Variants in XYLT1 observed in about 807,000 individuals in gnomAD.
The protein encoded by XYLT1 is xylosyltransferase 1.
In XYLT1, 36 loss-of-function variants were observed where a neutral mutation model predicts 91.3. The observed-to-expected ratio is 0.39, with a 90% CI of 0.30 to 0.52. XYLT1 has a LOEUF of 0.52. Ranked by LOEUF, XYLT1 falls within the 20% of genes least tolerant of loss-of-function variation. XYLT1 has a pLI of 0.68. For synonymous variants in XYLT1, 588 were observed against 532.0 expected, an observed-to-expected ratio of 1.11 and a Z score of -1.45; for missense variants, 1,242 against 1,284.5, an observed-to-expected ratio of 0.97 and a Z score of 0.51.
intron 1 of XYLT1, among the ~76,000 whole-genome samples, chr16:17,370,065 A>G (rs928684085): frequency 3.3e-5 from 5 of 152,144 alleles, no homozygotes; most frequent in Non-Finnish European, 7.4e-5. Context: ...GGGGGAAGGG[A>G]ACAACAGGAG....
intron 1 of XYLT1, among the ~76,000 whole-genome samples, chr16:17,402,135 CA>C (rs559973657): frequency 5.0e-4 from 69 of 138,146 alleles, no homozygotes; most frequent in Non-Finnish European, 6.0e-4. Context: ...CCTGTTTCTA[CA>C]AAAAAAAAAA....
At position 17,400,594 on chromosome 16, in the gene XYLT1, A is replaced by C. The variant is rs150719965; in HGVS notation, c.364-42544T>G. ...GACAGAAAGAGACTCCATCTCAAAA[A>C]AAAAGAAAGAGAGGGAGGGAGGGAG... On this transcript the variant is annotated intron_variant, in intron 1 of 11. Coordinates refer to ENST00000261381, the MANE Select transcript of XYLT1 (RefSeq NM_022166.4). 4.6e-3 allele frequency among the ~76,000 whole-genome samples: 692 copies of C among 149,152 alleles called. 21 individuals are homozygous for C. The highest frequency in any genetic ancestry group is 0.044 in the Admixed American group (649 of 14,890).
rs149297171 is a variant in XYLT1, at chr16:17,353,017, C to G, written c.402+4995G>C. On this transcript the variant is annotated intron_variant, in intron 2 of 11. Coordinates refer to ENST00000261381, the MANE Select transcript of XYLT1 (RefSeq NM_022166.4). ...TCATTTGCTACAGGAGCCCTGTTCA[C>G]AATCATCATGGCCCCAGCATCATCT... is the stretch of plus-strand genomic sequence containing the variant. Among the ~76,000 whole-genome samples, 242 of 152,344 alleles carry G rather than the reference C, an allele frequency of 1.6e-3. 1 individual carries two copies. The highest frequency in any genetic ancestry group is 5.7e-3 in the African/African-American group (236 of 41,582).
chr16:17,386,961 TA>T (rs1281217100), intron 1 of XYLT1, among the ~76,000 whole-genome samples: 1 of 152,168 alleles, frequency 6.6e-6, no homozygotes, highest in Non-Finnish European at 1.5e-5. Flanking sequence ...GGTTAGATTA[TA>T]AAAGGTAAGA....
In XYLT1 at chr16:17,267,793, A is replaced by AGGG. The variant is rs1209683617; in HGVS notation, c.403-8298_403-8296dup. Among the ~76,000 whole-genome samples, 4 of 152,336 alleles carry AGGG rather than the reference A, an allele frequency of 2.6e-5. No individual in the cohort carries two copies. In the East Asian group the frequency reaches 7.7e-4, roughly 29 times the overall value. ...CTGGCCTTTGCTCACTGTGTGGCCC[A>AGGG]GGGCACAGTGCCTAACTTTGTCTGC... is the stretch of plus-strand genomic sequence containing the variant. On this transcript the variant is annotated intron_variant, in intron 2 of 11. Coordinates refer to ENST00000261381, the MANE Select transcript of XYLT1 (RefSeq NM_022166.4).
chr16:17,214,555 C>T (rs2032820457), intron 3 of XYLT1, among the ~76,000 whole-genome samples: 1 of 152,124 alleles, frequency 6.6e-6, no homozygotes, highest in Non-Finnish European at 1.5e-5. Flanking sequence ...TTTTACGCCA[C>T]TAAGTTTGGG....
rs566035828 is a variant in XYLT1 at position 17,158,977 on chromosome 16, A to G, written c.1290-68T>C. On this transcript the variant is annotated intron_variant, in intron 5 of 11. Transcript: ENST00000261381. ...GGTACTGTCTTTGTCACAGAAAGCA[A>G]GTTTCACCAATTATGTCAGTCTGCT... 10 of 1,396,984 alleles carry G rather than the reference A, an allele frequency of 7.2e-6. No homozygotes were observed. The African/African-American group carries it at 1.4e-4, about 20-fold the overall frequency. The allele number at this position is 1,396,984 out of a possible 1,614,324, so 86.5% of individuals were successfully genotyped here. A position where few individuals can be genotyped will look rare whatever the true frequency, so the allele number is the denominator to read the frequency against.
At chr16:17,305,849 G>C (rs964114940) in intron 2 of XYLT1, among the ~76,000 whole-genome samples, 1 of 152,168 alleles carries the variant, frequency 6.6e-6, no homozygotes, top group Non-Finnish European at 1.5e-5. Flanking sequence ...AGTCAGTCCT[G>C]TGTTCAGATT....
At chr16:17,429,395 A>G (rs1164532042) in intron 1 of XYLT1, among the ~76,000 whole-genome samples, 4 of 152,234 alleles carry the variant, frequency 2.6e-5, no homozygotes, top group Non-Finnish European at 5.9e-5. Context: ...GCCGCAGGTT[A>G]ACTCAACGGC....
chr16:17,306,905 G>C (rs2141817947), intron 2 of XYLT1, among the ~76,000 whole-genome samples: 1 of 152,272 alleles, frequency 6.6e-6, no homozygotes, highest in South Asian at 2.1e-4. Context: ...CAGAGAGGCA[G>C]GGTGACTTGC....
intron 5 of XYLT1, among the ~76,000 whole-genome samples, chr16:17,179,503 C>A (rs1368451900): frequency 6.6e-6 from 1 of 152,208 alleles, no homozygotes; most frequent in Non-Finnish European, 1.5e-5. Flanking sequence ...CCACCCTATC[C>A]TCTTTCCATG....
At chr16:17,455,038 C>T (rs2141954010) in intron 1 of XYLT1, among the ~76,000 whole-genome samples, 1 of 151,548 alleles carries the variant, frequency 6.6e-6, no homozygotes, top group Middle Eastern at 3.4e-3. Context: ...AGATAAAACT[C>T]CCAGACGCAA....
chr16:17,121,698 C>T lies in XYLT1; in HGVS notation c.2224-3719G>A, dbSNP rs143247574. 1.3e-3 allele frequency among the ~76,000 whole-genome samples: 204 copies of T among 152,214 alleles called. 2 individuals carry two copies. The highest frequency in any genetic ancestry group is 6.0e-3 in the South Asian group (29 of 4,818). Reference sequence around the variant, plus strand: ...GTGCACCCATCACTTGAACAGTATACACTGCACCCCATGTGTAGTCTTTTA... The same window carrying T: ...GTGCACCCATCACTTGAACAGTATATACTGCACCCCATGTGTAGTCTTTTA... On this transcript the variant is annotated intron_variant, in intron 10 of 11. Coordinates refer to ENST00000261381, the MANE Select transcript of XYLT1 (RefSeq NM_022166.4).
chr16:17,237,206 C>T (rs910867299), intron 3 of XYLT1, among the ~76,000 whole-genome samples: 1 of 152,210 alleles, frequency 6.6e-6, no homozygotes, highest in Non-Finnish European at 1.5e-5. Flanking sequence ...TGGTATTCAA[C>T]TTACAATCCC....
intron 5 of XYLT1, among the ~76,000 whole-genome samples, chr16:17,169,753 GT>G (rs2031782527): frequency 6.6e-6 from 1 of 152,154 alleles, no homozygotes; most frequent in Non-Finnish European, 1.5e-5. Context: ...AAGTCTGCTT[GT>G]CCTCACATGC....
intron 1 of XYLT1, among the ~76,000 whole-genome samples, chr16:17,449,722 C>G (rs982007799): frequency 1.3e-5 from 2 of 152,164 alleles, no homozygotes; most frequent in African/African-American, 4.8e-5. Context: ...ATCAACAGGA[C>G]TATGCATCAA....
At chr16:17,224,784 G>A (rs916585603) in intron 3 of XYLT1, among the ~76,000 whole-genome samples, 3 of 152,180 alleles carry the variant, frequency 2.0e-5, no homozygotes, top group Non-Finnish European at 4.4e-5. Flanking sequence ...CTCTCTTGTA[G>A]CGAGGTGCAT....
intron 1 of XYLT1, among the ~76,000 whole-genome samples, chr16:17,376,341 C>T (rs1247405355): frequency 6.6e-6 from 1 of 152,184 alleles, no homozygotes; most frequent in African/African-American, 2.4e-5. Flanking sequence ...TGAGAAACCC[C>T]AACCTAAGAG....
chr16:17,357,677 C>T (rs1030808678), intron 2 of XYLT1, among the ~76,000 whole-genome samples: 7 of 152,250 alleles, frequency 4.6e-5, no homozygotes, highest in Non-Finnish European at 1.0e-4. Flanking sequence ...TGGCTCTCCT[C>T]TGTCTCCTCT....
Sources: allele counts gnomAD v4.1 joint callset (sites outside exome capture counted in the v4.1 genomes callset), GRCh38; gene constraint gnomAD v4.1.1; transcripts MANE v1.5; gene names NCBI Gene and HGNC (gene_info 2026-07-23, HGNC 2026-07-21).